OR4Q3: variants seen among roughly 807,000 people sequenced by gnomAD.
OR4Q3 encodes olfactory receptor family 4 subfamily Q member 3.
A neutral mutation model predicts 18.8 loss-of-function variants in OR4Q3; 17 were observed. That is an observed-to-expected ratio of 0.91 (90% CI 0.62 to 1.36). The LOEUF (loss-of-function observed/expected upper bound fraction) is 1.36, where lower values mean the gene tolerates loss of function less well. Ranked by LOEUF, OR4Q3 falls within the 40% of genes most tolerant of loss-of-function variation. OR4Q3 has a pLI of 0.00. For synonymous variants in OR4Q3, 158 were observed against 145.8 expected (o/e 1.08, Z -0.60); for missense variants, 378 against 373.4 (o/e 1.01, Z -0.10).
At chr14:19,744,606 A>G (rs1453774482) in intron 1 of OR4Q3, among the ~76,000 whole-genome samples, 8 of 152,152 alleles carry the variant, frequency 5.3e-5, no homozygotes, top group Non-Finnish European at 1.2e-4. Flanking sequence ...ATTTTGCATT[A>G]AGCATTCTCA....
At chr14:19,750,097 G>A, downstream of OR4Q3, among the ~76,000 whole-genome samples, 1 of 151,794 alleles carries the variant, frequency 6.6e-6, no homozygotes, top group Admixed American at 6.6e-5. Context: ...TGATCCTCTT[G>A]CCTCAGCCTC....
At position 19,747,859 on chromosome 14, in the gene OR4Q3, G is replaced by A; in HGVS notation, c.456G>A (p.Trp152Ter). ...TCATGAACCCCCAGCTATGCCTTTGGTTGGTTCTTGCCTGCTGGTGTGGGG... is the reference window on the plus strand; with the variant it reads ...TCATGAACCCCCAGCTATGCCTTTGATTGGTTCTTGCCTGCTGGTGTGGGG... The change falls in exon 2 of 2, where the codon TGG becomes TGA. Residue 152 changes from tryptophan to a stop codon, truncating the protein, a stop_gained. Coordinates refer to ENST00000642117, the Ensembl canonical transcript of OR4Q3. LOFTEE classifies it high-confidence loss of function. 2.5e-6 allele frequency: 4 copies of A among 1,614,062 alleles called. No homozygotes were observed. Among genetic ancestry groups the A allele is most frequent in the Non-Finnish European group, 3.4e-6 (4 of 1,179,950 alleles).
intron 1 of OR4Q3, among the ~76,000 whole-genome samples, chr14:19,745,821 C>A: frequency 2.0e-5 from 3 of 152,136 alleles, no homozygotes; most frequent in Non-Finnish European, 4.4e-5. Context: ...ACTTGTATTT[C>A]TTTCTTTGTT....
downstream of OR4Q3, among the ~76,000 whole-genome samples, chr14:19,751,257 T>C: frequency 6.6e-6 from 1 of 152,238 alleles, no homozygotes; most frequent in East Asian, 1.9e-4. Context: ...ATTAACTTAT[T>C]GATGTGCCGC....
chr14:19,747,290 G>A, intron 1 of OR4Q3, 116 bp from the exon 2 acceptor site: 9,300 of 483,406 alleles, frequency 0.019, 36 homozygotes, highest in Non-Finnish European at 0.025. Flanking sequence ...TATATTACCC[G>A]ATAAAACTTG....
chr14:19,745,235 A>G, intron 1 of OR4Q3, among the ~76,000 whole-genome samples: 1 of 152,216 alleles, frequency 6.6e-6, no homozygotes, highest in Non-Finnish European at 1.5e-5. Context: ...CTAATATTAA[A>G]TCTTACTTTA....
chr14:19,751,834 T>C, downstream of OR4Q3, among the ~76,000 whole-genome samples: 1 of 152,176 alleles, frequency 6.6e-6, no homozygotes, highest in Non-Finnish European at 1.5e-5. Context: ...AAAGACTAAC[T>C]CTTGGTTTCA....
chr14:19,747,265 TAA>T, intron 1 of OR4Q3, 139 bp from the exon 2 acceptor site: 58 of 419,972 alleles, frequency 1.4e-4, no homozygotes, highest in Admixed American at 9.0e-4. Context: ...TCTATCAATA[TAA>T]GAGTGTACTG....
At chr14:19,748,114 C>A in exon 2 of OR4Q3, 5 of 1,614,086 alleles carry the variant, frequency 3.1e-6, no homozygotes, top group Middle Eastern at 1.7e-4. Flanking sequence ...TGAGAACACA[C>A]TTCTGCCAGG....
chr14:19,746,433 A>G, intron 1 of OR4Q3, among the ~76,000 whole-genome samples: 2 of 152,114 alleles, frequency 1.3e-5, no homozygotes, highest in South Asian at 2.1e-4. Context: ...TTATGTATCT[A>G]TGGTTGTTGA....
chr14:19,747,722 C>G, exon 2 of OR4Q3: 24 of 1,613,784 alleles, frequency 1.5e-5, no homozygotes, highest in Non-Finnish European at 1.9e-5. Flanking sequence ...TTCAGGATGC[C>G]TGGCCCAGAT....
chr14:19,751,045 G>A, downstream of OR4Q3, among the ~76,000 whole-genome samples: 1 of 152,330 alleles, frequency 6.6e-6, no homozygotes, highest in South Asian at 2.1e-4. Flanking sequence ...CTTTCTCTTG[G>A]TATAAGCCAG....
chr14:19,744,877 C>T, intron 1 of OR4Q3, among the ~76,000 whole-genome samples: 1 of 152,116 alleles, frequency 6.6e-6, no homozygotes. Flanking sequence ...TCATTCTTCA[C>T]GGAACAGTCA....
chr14:19,748,490 A>G, exon 2 of OR4Q3: 39 of 744,918 alleles, frequency 5.2e-5, no homozygotes, highest in Non-Finnish European at 8.1e-5. Flanking sequence ...TAGCATAAAG[A>G]TTATAATGGA....
chr14:19,749,906 CTTT>C, downstream of OR4Q3, among the ~76,000 whole-genome samples: 1 of 8,488 alleles, frequency 1.2e-4, no homozygotes. Flanking sequence ...TTCTTTCTTT[CTTT>C]TTTCTTTCTT....
At chr14:19,745,380 C>A in intron 1 of OR4Q3, among the ~76,000 whole-genome samples, 1 of 152,122 alleles carries the variant, frequency 6.6e-6, no homozygotes. Context: ...TTAGTATAAT[C>A]TTTTCTTTCT....
chr14:19,750,881 G>A, downstream of OR4Q3, among the ~76,000 whole-genome samples: 3 of 152,180 alleles, frequency 2.0e-5, no homozygotes, highest in Non-Finnish European at 4.4e-5. Context: ...TTTTGCATAC[G>A]ATGAATATCC....
chr14:19,749,346 C>G, exon 2 of OR4Q3: 27 of 152,568 alleles, frequency 1.8e-4, no homozygotes, highest in African/African-American at 6.3e-4. Context: ...TCTTTGTAAT[C>G]CCAGCACTTT....
In OR4Q3 at chr14:19,748,603, G is replaced by T; in HGVS notation, c.*234G>T. On this transcript the variant is annotated 3_prime_UTR_variant, in exon 2 of 2. Coordinates refer to ENST00000642117, the Ensembl canonical transcript of OR4Q3. The stretch of plus-strand genomic sequence containing the variant: ...CTCAGGAACTCAGTAGAATTTACTG[G>T]CCACAAACGATAACAAGCATTAATT... 2.1e-5 allele frequency: 10 copies of T among 482,330 alleles called. No individual in the cohort carries two copies. In the East Asian group the frequency reaches 2.2e-4, roughly 11 times the overall value. 29.9% of individuals were successfully genotyped at this position (482,330 alleles called of 1,614,324 possible).
Sources: gnomAD v4.1 joint callset for allele counts (sites outside exome capture counted in the v4.1 genomes callset) on GRCh38, gnomAD v4.1.1 for gene constraint, MANE v1.5 for transcripts, NCBI Gene and HGNC (gene_info 2026-07-23, HGNC 2026-07-21) for gene names.